SKP1: variants seen among roughly 807,000 people sequenced by gnomAD.
SKP1 encodes S-phase kinase associated protein 1.
SKP1 carries 1 observed loss-of-function variant against 21.5 expected under a neutral mutation model. That is an observed-to-expected ratio of 0.05 (90% CI 0.02 to 0.22). The LOEUF (loss-of-function observed/expected upper bound fraction) is 0.22, where lower values mean the gene tolerates loss of function less well. Ranked by LOEUF, SKP1 falls within the 10% of genes least tolerant of loss-of-function variation. SKP1 has a pLI of 1.00. For missense variants in SKP1, 70 were observed against 192.0 expected (o/e 0.36, Z 3.76); for synonymous variants, 59 against 59.3 (o/e 0.99, Z 0.03).
chr5:134,169,434 T>C (rs1761396844), intron 2 of SKP1, among the ~76,000 whole-genome samples: 1 of 152,238 alleles, frequency 6.6e-6, no homozygotes, highest in Non-Finnish European at 1.5e-5. Context: ...ATGAAATCTT[T>C]TTAATCAGGT....
In SKP1 at chr5:134,167,129, T is replaced by C. The variant is rs192019005; in HGVS notation, c.171+41A>G. The stretch of plus-strand genomic sequence containing the variant: ...TACTTGTATTAATCAATTGGTGTTA[T>C]ATATTAAGCAGAATAAACTTAAACT... On this transcript the variant is annotated intron_variant, in intron 3 of 5. Transcript: ENST00000353411. 343 of 980,084 alleles carry C rather than the reference T, an allele frequency of 3.5e-4. 1 individual carries two copies. Among genetic ancestry groups the C allele is most frequent in the Admixed American group, 1.2e-3 (61 of 51,996 alleles). 60.7% of individuals were successfully genotyped at this position (980,084 alleles called of 1,614,324 possible). A position where few individuals can be genotyped will look rare whatever the true frequency, so the allele number is the denominator to read the frequency against.
At chr5:134,173,610 T>C in intron 2 of SKP1, 1 of 429,370 alleles carries the variant, frequency 2.3e-6, no homozygotes, top group South Asian at 1.8e-5. Context: ...AAGACCTTAA[T>C]TTCTATCACT....
At chr5:134,175,804 A>G (rs1349405998) in intron 1 of SKP1, among the ~76,000 whole-genome samples, 1 of 152,268 alleles carries the variant, frequency 6.6e-6, no homozygotes, top group African/African-American at 2.4e-5. Flanking sequence ...TTTTTAAGTA[A>G]TAATGGATGA....
At position 134,148,981 on chromosome 5, in the gene SKP1, G is replaced by T. The variant is rs1291930297; in HGVS notation, c.*8752C>A. The T allele has an allele frequency of 6.6e-6, 1 of 152,176 alleles. No homozygotes were observed. The highest frequency in any genetic ancestry group is 2.4e-5 in the African/African-American group (1 of 41,442). The allele number at this position is 152,176 out of a possible 1,614,324, so 9.4% of individuals were successfully genotyped here. A position where few individuals can be genotyped will look rare whatever the true frequency, so the allele number is the denominator to read the frequency against. ...AGCCACCATATCCACTTTATTTTTAGATTATTTGTATACATTTAGGGGGTA... is the reference window on the plus strand; with the variant it reads ...AGCCACCATATCCACTTTATTTTTATATTATTTGTATACATTTAGGGGGTA... On this transcript the variant is annotated 3_prime_UTR_variant, in exon 6 of 6. Coordinates refer to ENST00000353411, the MANE Select transcript of SKP1 (RefSeq NM_170679.3).
intron 2 of SKP1, among the ~76,000 whole-genome samples, chr5:134,169,729 T>C (rs1761403876): frequency 6.6e-6 from 1 of 151,736 alleles, no homozygotes; most frequent in African/African-American, 2.4e-5. Context: ...TGGCCAGGCA[T>C]GGCGGCTCAC....
chr5:134,163,325 T>C (rs1414952034), intron 3 of SKP1, among the ~76,000 whole-genome samples: 2 of 150,512 alleles, frequency 1.3e-5, no homozygotes, highest in Non-Finnish European at 3.0e-5. Context: ...CAACGGGTGG[T>C]GCCAGTAAAA....
intron 3 of SKP1, among the ~76,000 whole-genome samples, chr5:134,163,185 A>G (rs1761250303): frequency 7.0e-6 from 1 of 143,626 alleles, no homozygotes; most frequent in Non-Finnish European, 1.5e-5. Context: ...ACTGCACTCC[A>G]GCCTGAGCAA....
At chr5:134,169,931 G>A (rs1761408367) in intron 2 of SKP1, among the ~76,000 whole-genome samples, 1 of 151,674 alleles carries the variant, frequency 6.6e-6, no homozygotes, top group African/African-American at 2.4e-5. Context: ...AACCCAGGAG[G>A]TGGAGGCTGC....
intron 2 of SKP1, chr5:134,173,408 C>T (rs6859052): frequency 0.036 from 7,742 of 214,474 alleles, 521 homozygotes; most frequent in African/African-American, 0.15. Context: ...GGAAGACTGA[C>T]TGAGCCCAGA....
At position 134,153,502 on chromosome 5, in the gene SKP1, C is replaced by T. The variant is rs757747624; in HGVS notation, c.*4231G>A. The T allele has an allele frequency of 1.3e-5, 2 of 152,208 alleles. No individual in the cohort carries two copies. Among genetic ancestry groups the T allele is most frequent in the Non-Finnish European group, 2.9e-5 (2 of 68,136 alleles). 9.4% of individuals were successfully genotyped at this position (152,208 alleles called of 1,614,324 possible). ...GTCTCTTAAAAGAAGAATCAAAAAG[C>T]TCTTCGGGCTACTCTGGGCACACTG... On this transcript the variant is annotated 3_prime_UTR_variant, in exon 6 of 6. Transcript: ENST00000353411.
intron 2 of SKP1, among the ~76,000 whole-genome samples, chr5:134,169,286 C>T (rs1761393920): frequency 6.6e-6 from 1 of 152,132 alleles, no homozygotes; most frequent in African/African-American, 2.4e-5. Flanking sequence ...TGGATGGATT[C>T]ACTCATCTCC....
At chr5:134,158,389 G>C (rs1216076876) in intron 5 of SKP1, 66 bp downstream of exon 5, 1 of 1,611,954 alleles carries the variant, frequency 6.2e-7, no homozygotes, top group Admixed American at 1.7e-5. Context: ...TCTTTTGCTG[G>C]CATGTTATAG....
intron 1 of SKP1, chr5:134,175,679 G>A (rs1187045017): frequency 6.6e-6 from 1 of 152,186 alleles, no homozygotes; most frequent in Non-Finnish European, 1.5e-5. Context: ...ACTCTTAAGG[G>A]AGTTGAGACC....
intron 1 of SKP1, among the ~76,000 whole-genome samples, 186 bp from the exon 2 acceptor site, chr5:134,174,208 A>G (rs546958225): frequency 2.6e-5 from 4 of 152,348 alleles, no homozygotes; most frequent in Non-Finnish European, 1.5e-5. Context: ...ATTTCTATTA[A>G]AATTTTTTCA....
At chr5:134,166,797 G>A (rs531145935) in intron 3 of SKP1, among the ~76,000 whole-genome samples, 2 of 152,192 alleles carry the variant, frequency 1.3e-5, no homozygotes, top group East Asian at 3.9e-4. Context: ...ATTCCACCAT[G>A]CTCTAGAAGT....
At chr5:134,158,188 G>T (rs906775698) in intron 5 of SKP1, 4 of 1,396,470 alleles carry the variant, frequency 2.9e-6, no homozygotes, top group Admixed American at 3.0e-5. Flanking sequence ...ACAGAAAGTT[G>T]CAGGTGCCAA....
rs1761127675 is a variant in SKP1, at chr5:134,156,767, T to C, written c.*966A>G. 1 of 152,500 alleles carries C rather than the reference T, an allele frequency of 6.6e-6. No homozygotes were observed. The highest frequency in any genetic ancestry group is 1.5e-5 in the Non-Finnish European group (1 of 68,030). The allele number at this position is 152,500 out of a possible 1,614,324, so 9.4% of individuals were successfully genotyped here. A position where few individuals can be genotyped will look rare whatever the true frequency, so the allele number is the denominator to read the frequency against. On this transcript the variant is annotated 3_prime_UTR_variant, in exon 6 of 6. Transcript: ENST00000353411. ...TTATGGTTATGTCAGCAGCCTCCAGTGAGCTAGGATATAAACTAAGTCTTT... is the reference window on the plus strand; with the variant it reads ...TTATGGTTATGTCAGCAGCCTCCAGCGAGCTAGGATATAAACTAAGTCTTT...
At chr5:134,167,442 G>A (rs1761352151) in intron 2 of SKP1, among the ~76,000 whole-genome samples, 199 bp from the exon 3 acceptor site, 1 of 151,952 alleles carries the variant, frequency 6.6e-6, no homozygotes, top group Non-Finnish European at 1.5e-5. Flanking sequence ...CTTGTTTCCT[G>A]GTCATTACTC....
chr5:134,174,273 T>G (rs568942454), intron 1 of SKP1, among the ~76,000 whole-genome samples: 1 of 152,242 alleles, frequency 6.6e-6, no homozygotes, highest in Non-Finnish European at 1.5e-5. Flanking sequence ...GAACTCACTA[T>G]TGGTATAAAT....
Sources: allele counts gnomAD v4.1 joint callset (sites outside exome capture counted in the v4.1 genomes callset), GRCh38; gene constraint gnomAD v4.1.1; transcripts MANE v1.5; gene names NCBI Gene and HGNC (gene_info 2026-07-23, HGNC 2026-07-21).